The following CARMIL1 variants were observed in gnomAD, a reference collection of about 807,000 sequenced individuals.
CARMIL1 encodes F-actin-uncapping protein LRRC16A.
CARMIL1 carries 90 observed loss-of-function variants against 177.1 expected under a neutral mutation model. The ratio of observed to expected loss-of-function variants is 0.51; its 90% CI spans 0.43 to 0.61. CARMIL1 has a LOEUF of 0.61. CARMIL1 is among the 20% of genes least tolerant of loss of function. The pLI, the probability that CARMIL1 is intolerant of heterozygous loss-of-function variation, is 0.00. For missense variants in CARMIL1, 1,380 were observed against 1,667.0 expected (o/e 0.83, Z 3.00); for synonymous variants, 577 against 606.2 (o/e 0.95, Z 0.71).
chr6:25,459,269 T>TCTTTCTTTCTCTTTCTTTCTTTC (rs56094712), intron 8 of CARMIL1, among the ~76,000 whole-genome samples: 17 of 118,206 alleles, frequency 1.4e-4, no homozygotes, highest in African/African-American at 5.5e-4. Flanking sequence ...TTTCTTTCTT[T>TCTTTCTTTCTCTTTCTTTCTTTC]TTTTTTTTTT....
At chr6:25,387,114 CAAAAAAA>C (rs377548646) in intron 2 of CARMIL1, among the ~76,000 whole-genome samples, 7 of 101,964 alleles carry the variant, frequency 6.9e-5, no homozygotes, top group African/African-American at 3.1e-4. Flanking sequence ...ACTCTGTCTC[CAAAAAAA>C]AAAAAAAAAA....
intron 2 of CARMIL1, among the ~76,000 whole-genome samples, chr6:25,319,170 G>A (rs797012344): frequency 3.3e-5 from 5 of 152,232 alleles, no homozygotes; most frequent in African/African-American, 9.6e-5. Context: ...CTTACATGTC[G>A]AGTAAATTAA....
chr6:25,577,174 G>C lies in CARMIL1; in HGVS notation c.2743-3750G>C, dbSNP rs1039259296. 1.8e-5 allele frequency: 17 copies of C among 959,556 alleles called. No individual in the cohort carries two copies. Among genetic ancestry groups the C allele is most frequent in the Non-Finnish European group, 1.9e-5 (15 of 806,524 alleles). 59.4% of individuals were successfully genotyped at this position (959,556 alleles called of 1,614,324 possible). A position where few individuals can be genotyped will look rare whatever the true frequency, so the allele number is the denominator to read the frequency against. On this transcript the variant is annotated intron_variant, in intron 29 of 36. Coordinates refer to ENST00000329474, the MANE Select transcript of CARMIL1 (RefSeq NM_017640.6). The surrounding 1 kb of genome is among the most constrained non-coding windows in gnomAD (Gnocchi z 4.5). The stretch of plus-strand genomic sequence containing the variant: ...AGATTGGATTTTGCAAGATGGTTCA[G>C]CTAGCAAAACAGGCGATGAATTTAA...
At position 25,606,142 on chromosome 6, in the gene CARMIL1, C is replaced by T. The variant is rs369576805; in HGVS notation, c.3716C>T (p.Ala1239Val). 37 of 1,613,812 alleles carry T rather than the reference C, an allele frequency of 2.3e-5. No homozygotes were observed. The highest frequency in any genetic ancestry group is 1.6e-4 in the African/African-American group (12 of 74,906). The change falls in exon 35 of 37, where the codon GCG becomes GTG. Residue 1239 changes from alanine (A) to valine (V), a missense_variant. Coordinates refer to ENST00000329474, the MANE Select transcript of CARMIL1 (RefSeq NM_017640.6). The stretch of plus-strand genomic sequence containing the variant: ...AAGAATACCAAAGCAGAACCCAAAG[C>T]GGAAGCAGGCTCCAGGTCTCGGAGC... ...PEKNTKAEPK[A>V]EAGSRSRSSS...
In CARMIL1 at chr6:25,620,501, T is replaced by A. The variant is rs1457490767; in HGVS notation, c.*918T>A. Reference sequence around the variant, plus strand: ...GAAGTATTTTATTCATATGTATATTTATACCAATAAAATGATTTTACAAGT... The same window carrying A: ...GAAGTATTTTATTCATATGTATATTAATACCAATAAAATGATTTTACAAGT... On this transcript the variant is annotated 3_prime_UTR_variant, in exon 37 of 37. Coordinates refer to ENST00000329474, the MANE Select transcript of CARMIL1 (RefSeq NM_017640.6). 6.6e-6 allele frequency: 1 copy of A among 152,238 alleles called. No individual in the cohort carries two copies. Among genetic ancestry groups the A allele is most frequent in the Non-Finnish European group, 1.5e-5 (1 of 68,036 alleles). 9.4% of individuals were successfully genotyped at this position (152,238 alleles called of 1,614,324 possible). A position where few individuals can be genotyped will look rare whatever the true frequency, so the allele number is the denominator to read the frequency against.
intron 2 of CARMIL1, among the ~76,000 whole-genome samples, chr6:25,371,505 G>T (rs2150436405): frequency 6.6e-6 from 1 of 152,292 alleles, no homozygotes; most frequent in African/African-American, 2.4e-5. Flanking sequence ...TTTCCCTGAT[G>T]ATCAGTGATG....
In CARMIL1 at chr6:25,296,935, T is replaced by TTAACTAACTAAC. The variant is rs5875025; in HGVS notation, c.138+12046_138+12057dup. 4.4e-5 allele frequency among the ~76,000 whole-genome samples: 6 copies of TTAACTAACTAAC among 136,444 alleles called. No homozygotes were observed. The South Asian group carries it at 7.3e-4, about 17-fold the overall frequency. 89.5% of individuals were successfully genotyped at this position (136,444 alleles called of 152,430 possible). A position where few individuals can be genotyped will look rare whatever the true frequency, so the allele number is the denominator to read the frequency against. On this transcript the variant is annotated intron_variant, in intron 2 of 36. Transcript: ENST00000329474. ...TATCTATCTATCTATCTATCTATCT[T>TTAACTAACTAAC]TAACTAACTAACTAACTAACTAACT... is the stretch of plus-strand genomic sequence containing the variant.
chr6:25,519,191 G>T (rs301372), intron 22 of CARMIL1, among the ~76,000 whole-genome samples: 1 of 151,978 alleles, frequency 6.6e-6, no homozygotes, highest in African/African-American at 2.4e-5. Flanking sequence ...TCTAAATATG[G>T]CTGAGAAGCA....
intron 15 of CARMIL1, among the ~76,000 whole-genome samples, chr6:25,494,732 A>T (rs1803533859): frequency 6.6e-6 from 1 of 152,226 alleles, no homozygotes; most frequent in Non-Finnish European, 1.5e-5. Context: ...CCAAATGCAG[A>T]TATTGATCTC....
In CARMIL1 at chr6:25,331,303, T is replaced by C. The variant is rs1581588204; in HGVS notation, c.138+46394T>C. Among the ~76,000 whole-genome samples the C allele has an allele frequency of 2.0e-5, 3 of 152,352 alleles. No homozygotes were observed. The East Asian group carries it at 5.8e-4, about 29-fold the overall frequency. On this transcript the variant is annotated intron_variant, in intron 2 of 36. Transcript: ENST00000329474. ...GTGAAAAGCCCTGCACAGTATTTAC[T>C]GGGAAAGGATTGCCTGTTCCTGAGG...
chr6:25,400,730 C>A (rs145251815), intron 2 of CARMIL1, among the ~76,000 whole-genome samples: 1 of 152,222 alleles, frequency 6.6e-6, no homozygotes, highest in Non-Finnish European at 1.5e-5. Flanking sequence ...ACACAGCTGG[C>A]AACCTTCTTA....
chr6:25,532,130 A>C (rs1582269227), intron 24 of CARMIL1, among the ~76,000 whole-genome samples: 1 of 116,118 alleles, frequency 8.6e-6, no homozygotes, highest in East Asian at 2.5e-4. Context: ...ACAGAGTTTC[A>C]CTCTTGTTGC....
chr6:25,445,058 T>C (rs1163822001), intron 5 of CARMIL1, among the ~76,000 whole-genome samples: 58 of 152,222 alleles, frequency 3.8e-4, no homozygotes, highest in Non-Finnish European at 4.4e-5. Flanking sequence ...TTTTTAATGA[T>C]TGCCATTCTA....
intron 31 of CARMIL1, among the ~76,000 whole-genome samples, chr6:25,591,968 C>A (rs902131956): frequency 6.6e-6 from 1 of 152,126 alleles, no homozygotes; most frequent in African/African-American, 2.4e-5. Flanking sequence ...TTTGTGCTGG[C>A]TGTGACTTCT....
intron 29 of CARMIL1, among the ~76,000 whole-genome samples, chr6:25,569,684 G>A (rs1295345159): frequency 6.6e-6 from 1 of 152,190 alleles, no homozygotes; most frequent in Non-Finnish European, 1.5e-5. Flanking sequence ...GGGAGCAAAT[G>A]TGTTACCTGA....
At chr6:25,535,607 C>T (rs1054923869) in intron 24 of CARMIL1, among the ~76,000 whole-genome samples, 1 of 152,172 alleles carries the variant, frequency 6.6e-6, no homozygotes, top group Non-Finnish European at 1.5e-5. Context: ...AGAGGTTAAA[C>T]TAAACAGCCC....
intron 16 of CARMIL1, among the ~76,000 whole-genome samples, chr6:25,497,422 T>C (rs531551742): frequency 6.6e-6 from 1 of 152,270 alleles, no homozygotes; most frequent in East Asian, 1.9e-4. Context: ...AGCATCTGAC[T>C]TTGAGATGGA....
chr6:25,479,173 C>G (rs1349796966), intron 11 of CARMIL1: 2 of 518,836 alleles, frequency 3.9e-6, no homozygotes, highest in Non-Finnish European at 7.7e-6. Context: ...TGTGGTTTGC[C>G]CCAGTGATTA....
chr6:25,297,788 A>C (rs1280328645), intron 2 of CARMIL1, among the ~76,000 whole-genome samples: 2 of 152,238 alleles, frequency 1.3e-5, no homozygotes, highest in Non-Finnish European at 2.9e-5. Flanking sequence ...CTTCATGCTC[A>C]CGTCGTTTTT....
Sources: allele counts gnomAD v4.1 joint callset (sites outside exome capture counted in the v4.1 genomes callset), GRCh38; gene constraint gnomAD v4.1.1; non-coding constraint Gnocchi (gnomAD v3.1); transcripts MANE v1.5; gene names NCBI Gene and HGNC (gene_info 2026-07-23, HGNC 2026-07-21).